Variants in VCAN observed in about 807,000 individuals in gnomAD.
VCAN encodes versican core protein.
VCAN carries 44 observed loss-of-function variants against 245.5 expected under a neutral mutation model. The observed-to-expected ratio is 0.18, with a 90% CI of 0.14 to 0.23. The LOEUF (loss-of-function observed/expected upper bound fraction) is 0.23, where lower values mean the gene tolerates loss of function less well. Ranked by LOEUF, VCAN falls within the 10% of genes least tolerant of loss-of-function variation. The probability of loss-of-function intolerance (pLI) is 1.00; values close to 1 mark genes in which losing one functional copy is unlikely to be tolerated. For synonymous variants in VCAN, 1,413 were observed against 1,437.0 expected, an observed-to-expected ratio of 0.98 and a Z score of 0.38; for missense variants, 3,793 against 4,057.9, an observed-to-expected ratio of 0.93 and a Z score of 1.77.
chr5:83,482,306 A>G (rs570884518), intron 1 of VCAN, among the ~76,000 whole-genome samples: 9 of 152,364 alleles, frequency 5.9e-5, no homozygotes, highest in African/African-American at 1.9e-4. Flanking sequence ...GGATGAATCT[A>G]TCTTTCCCAG....
In VCAN at chr5:83,537,299, C is replaced by A. The variant is rs772954074; in HGVS notation, c.4296C>A (p.Gly1432=). 1.2e-6 allele frequency: 2 copies of A among 1,613,924 alleles called. No individual in the cohort carries two copies. Among genetic ancestry groups the A allele is most frequent in the Non-Finnish European group, 1.7e-6 (2 of 1,179,944 alleles). The change falls in exon 8 of 15, where the codon GGC becomes GGA. Residue 1432 remains glycine, a synonymous_variant. Transcript: ENST00000265077. The stretch of plus-strand genomic sequence containing the variant: ...CAGAAGCTGCAGAAGCTAGGCGTGG[C>A]CAGTTTGAAAGTGTTGCACCTTCTC... ...KDPEAAEARR[G]QFESVAPSQN...
chr5:83,490,270 T>C lies in VCAN; in HGVS notation c.243T>C (p.Thr81=), dbSNP rs1484053798. Residue 81 remains threonine (T), a synonymous_variant, in exon 3 of 15, where the codon ACT becomes ACC. Coordinates refer to ENST00000265077, the MANE Select transcript of VCAN (RefSeq NM_004385.5). ...AAAATGGAAAAGATTTGAAAGAGACTACTGTCCTTGTGGCCCAAAATGGAA... is the reference window on the plus strand; with the variant it reads ...AAAATGGAAAAGATTTGAAAGAGACCACTGTCCTTGTGGCCCAAAATGGAA... ...VDKNGKDLKE[T]TVLVAQNGNI... is the part of the protein sequence containing the mutation. 2 of 1,614,038 alleles carry C rather than the reference T, an allele frequency of 1.2e-6. No homozygotes were observed. Among genetic ancestry groups the C allele is most frequent in the Non-Finnish European group, 1.7e-6 (2 of 1,180,030 alleles).
chr5:83,472,964 C>T lies in VCAN; in HGVS notation c.-7+941C>T, dbSNP rs138766687. Among the ~76,000 whole-genome samples the T allele has an allele frequency of 3.7e-3, 562 of 152,312 alleles. 3 individuals are homozygous for T. The highest frequency in any genetic ancestry group is 6.8e-3 in the Non-Finnish European group (463 of 68,032). On this transcript the variant is annotated intron_variant, in intron 1 of 14. Coordinates refer to ENST00000265077, the MANE Select transcript of VCAN (RefSeq NM_004385.5). ...ACTGCAGACAAAGGTGGCTCGGGGA[C>T]CCGAATCAGGGGCCTCTGGGTCAGT...
In VCAN at chr5:83,512,337, T is replaced by C. The variant is rs183969050; in HGVS notation, c.983T>C (p.Phe328Ser). The C allele has an allele frequency of 3.8e-5, 62 of 1,610,924 alleles. No homozygotes were observed. The African/African-American group carries it at 5.7e-4, about 15-fold the overall frequency. Residue 328 changes from phenylalanine to serine, a missense_variant, in exon 6 of 15, where the codon TTT (phenylalanine) becomes TCT (serine). Transcript: ENST00000265077. Reference sequence around the variant, plus strand: ...CTTGGGGTGAGAACCCTGTATCGTTTTGAGAACCAGACAGGCTTCCCTCCC... The same window carrying C: ...CTTGGGGTGAGAACCCTGTATCGTTCTGAGAACCAGACAGGCTTCCCTCCC... The part of the protein sequence containing the change: ...GLLGVRTLYR[F>S]ENQTGFPPPD...
chr5:83,562,816 C>T (rs1046823735), intron 12 of VCAN, among the ~76,000 whole-genome samples: 13 of 151,066 alleles, frequency 8.6e-5, no homozygotes, highest in Non-Finnish European at 1.6e-4. Flanking sequence ...GCTCTCTGGG[C>T]CTCTGCCTGA....
intron 5 of VCAN, among the ~76,000 whole-genome samples, chr5:83,496,790 C>T (rs981291768): frequency 2.6e-5 from 4 of 152,304 alleles, no homozygotes; most frequent in African/African-American, 9.6e-5. Flanking sequence ...TAAGGCTTCT[C>T]TCATTTCTTA....
At chr5:83,555,400 T>C (rs1405750501) in intron 12 of VCAN, among the ~76,000 whole-genome samples, 2 of 152,216 alleles carry the variant, frequency 1.3e-5, no homozygotes, top group African/African-American at 4.8e-5. Flanking sequence ...TTTAAAAAAA[T>C]ACCTTTCCGT....
At chr5:83,531,016 A>T (rs1451307829) in intron 7 of VCAN, among the ~76,000 whole-genome samples, 4 of 152,222 alleles carry the variant, frequency 2.6e-5, no homozygotes, top group African/African-American at 9.6e-5. Context: ...AATTATTTTT[A>T]AAAAGAGTGA....
chr5:83,514,201 A>G (rs1745764264), intron 6 of VCAN, among the ~76,000 whole-genome samples: 1 of 152,182 alleles, frequency 6.6e-6, no homozygotes, highest in Admixed American at 6.5e-5. Context: ...ATTTACATGT[A>G]TGTAACTTGT....
At position 83,522,144 on chromosome 5, in the gene VCAN, T is replaced by C. The variant is rs1477977993; in HGVS notation, c.3838T>C (p.Phe1280Leu). The stretch of plus-strand genomic sequence containing the variant: ...AGAAACCGATATTGATAGAGAGTAT[T>C]TCACGACTTCAAGTCCTCCTGCTAC... ...ETETDIDREY[F>L]TTSSPPATQP... The change falls in exon 7 of 15, where the codon TTC (phenylalanine) becomes CTC (leucine). Residue 1280 changes from phenylalanine to leucine, a missense_variant. By Grantham distance (22) the Phe-to-Leu change is conservative. Coordinates refer to ENST00000265077, the MANE Select transcript of VCAN (RefSeq NM_004385.5). 1 of 1,612,670 alleles carries C rather than the reference T, an allele frequency of 6.2e-7. No individual in the cohort carries two copies. The highest frequency in any genetic ancestry group is 8.5e-7 in the Non-Finnish European group (1 of 1,180,018).
At chr5:83,576,571 G>A (rs1561278435) in intron 13 of VCAN, among the ~76,000 whole-genome samples, 1 of 152,094 alleles carries the variant, frequency 6.6e-6, no homozygotes, top group Non-Finnish European at 1.5e-5. Flanking sequence ...GTGAGTTTCT[G>A]TAGGATATAT....
Position 83,520,289 on chromosome 5 carries a change from T to C in VCAN, c.1983T>C (p.Asp661=). 1 of 1,613,982 alleles carries C rather than the reference T, an allele frequency of 6.2e-7. No homozygotes were observed. The highest frequency in any genetic ancestry group is 1.3e-5 in the African/African-American group (1 of 75,054). Residue 661 remains aspartate, a synonymous_variant, in exon 7 of 15, where the codon GAT becomes GAC. Transcript: ENST00000265077. ...TAGAATTGTTTCCTTATTCTGGTGA[T>C]AAAATATTAGTAGAGGGAATTTCCA... ...TEIELFPYSG[D]KILVEGISTV... is the part of the protein sequence containing the mutation.
chr5:83,527,537 G>T (rs1746349168), intron 7 of VCAN, among the ~76,000 whole-genome samples: 1 of 152,198 alleles, frequency 6.6e-6, no homozygotes, highest in African/African-American at 2.4e-5. Flanking sequence ...TTTCTGTAGT[G>T]TTAAGAAAAT....
At chr5:83,494,704 G>T (rs1428556002) in intron 5 of VCAN, among the ~76,000 whole-genome samples, 1 of 152,240 alleles carries the variant, frequency 6.6e-6, no homozygotes, top group African/African-American at 2.4e-5. Flanking sequence ...TGTAGTCCCA[G>T]CACTTTGGGA....
chr5:83,481,225 A>C (rs1744600542), intron 1 of VCAN, among the ~76,000 whole-genome samples: 1 of 151,486 alleles, frequency 6.6e-6, no homozygotes, highest in Non-Finnish European at 1.5e-5. Context: ...AAGTATAATT[A>C]AAGAGAGATC....
rs1289550584 is a variant in VCAN, at chr5:83,524,252, G to T, written c.4003+1943G>T. Among the ~76,000 whole-genome samples the T allele has an allele frequency of 2.0e-5, 3 of 152,104 alleles. No homozygotes were observed. The East Asian group carries it at 5.8e-4, about 29-fold the overall frequency. On this transcript the variant is annotated intron_variant, in intron 7 of 14. Transcript: ENST00000265077. ...CTAAACCTGAAACAATTTATACAAAGGTGTACATTTATAAGTGAGTTGTGG... is the reference window on the plus strand; with the variant it reads ...CTAAACCTGAAACAATTTATACAAATGTGTACATTTATAAGTGAGTTGTGG...
chr5:83,528,229 A>G (rs1020107395), intron 7 of VCAN, among the ~76,000 whole-genome samples: 2 of 152,168 alleles, frequency 1.3e-5, no homozygotes, highest in Non-Finnish European at 2.9e-5. Flanking sequence ...AGAAGGAATC[A>G]AGAAAGGCAG....
chr5:83,495,594 A>G (rs1386168556), intron 5 of VCAN, among the ~76,000 whole-genome samples: 1 of 152,228 alleles, frequency 6.6e-6, no homozygotes, highest in Non-Finnish European at 1.5e-5. Flanking sequence ...CTGATTAAAT[A>G]AACTAGGAAA....
At chr5:83,545,881 T>C (rs1342430365) in intron 9 of VCAN, among the ~76,000 whole-genome samples, 1 of 152,188 alleles carries the variant, frequency 6.6e-6, no homozygotes, top group Admixed American at 6.5e-5. Context: ...CTGAGTCTTC[T>C]TGTGTTTTTT....
Sources: gnomAD v4.1 joint callset for allele counts (sites outside exome capture counted in the v4.1 genomes callset) on GRCh38, gnomAD v4.1.1 for gene constraint, MANE v1.5 for transcripts, NCBI Gene and HGNC (gene_info 2026-07-23, HGNC 2026-07-21) for gene names.